The following ATP2A2 variants were observed in gnomAD, a reference collection of about 807,000 sequenced individuals.
ATP2A2 encodes sarcoplasmic/endoplasmic reticulum calcium ATPase 2.
ATP2A2 carries 14 observed loss-of-function variants against 109.3 expected under a neutral mutation model. The ratio of observed to expected loss-of-function variants is 0.13; its 90% CI spans 0.08 to 0.20. The LOEUF is 0.20. ATP2A2 is among the 10% of genes least tolerant of loss of function. ATP2A2 has a pLI of 1.00. For missense variants in ATP2A2, 657 were observed against 1,321.6 expected, an observed-to-expected ratio of 0.50 and a Z score of 7.80; for synonymous variants, 506 against 490.9, an observed-to-expected ratio of 1.03 and a Z score of -0.41.
rs192811038 is a variant in ATP2A2 at position 110,337,798 on chromosome 12, T to C, written c.1420-1483T>C. 1.6e-3 allele frequency among the ~76,000 whole-genome samples: 246 copies of C among 152,346 alleles called. 4 individuals are homozygous for C. The highest frequency in any genetic ancestry group is 2.9e-4 in the Non-Finnish European group (20 of 68,040). Reference sequence around the variant, plus strand: ...ATCTTATCACACCAAACTAAGACTATAAAAGTGTGTCTTTAACGCTGACAG... The same window carrying C: ...ATCTTATCACACCAAACTAAGACTACAAAAGTGTGTCTTTAACGCTGACAG... On this transcript the variant is annotated intron_variant, in intron 11 of 19. Coordinates refer to ENST00000539276, the MANE Select transcript of ATP2A2 (RefSeq NM_170665.4).
At chr12:110,293,440 G>A (rs1390755186) in intron 4 of ATP2A2, among the ~76,000 whole-genome samples, 1 of 145,876 alleles carries the variant, frequency 6.9e-6, no homozygotes. Context: ...TGTTGCCCAG[G>A]CTGGAGTGCA....
At chr12:110,308,208 G>T (rs996235094) in intron 5 of ATP2A2, among the ~76,000 whole-genome samples, 7 of 152,054 alleles carry the variant, frequency 4.6e-5, no homozygotes, top group Non-Finnish European at 2.9e-5. Context: ...TTCTAGTCTG[G>T]ATGCCCTTTA....
intron 5 of ATP2A2, among the ~76,000 whole-genome samples, chr12:110,316,904 C>T (rs942672908): frequency 2.0e-5 from 3 of 152,042 alleles, no homozygotes; most frequent in African/African-American, 4.8e-5. Context: ...GTTATAAGCC[C>T]GGGTTGGGAT....
chr12:110,306,700 A>G (rs893632791), intron 5 of ATP2A2, among the ~76,000 whole-genome samples: 1 of 152,178 alleles, frequency 6.6e-6, no homozygotes, highest in African/African-American at 2.4e-5. Context: ...ATTCTTTTGC[A>G]TGGCTGCGTA....
At position 110,294,913 on chromosome 12, in the gene ATP2A2, G is replaced by A. The variant is rs564896194; in HGVS notation, c.325-1686G>A. 9.9e-5 allele frequency among the ~76,000 whole-genome samples: 15 copies of A among 151,726 alleles called. No individual in the cohort carries two copies. The East Asian group carries it at 2.6e-3, about 26-fold the overall frequency. ...TGGCCCACTGCAGCCTCCACCTCCCGGACTCAAGAGATTCTCCCACCTCAG... is the reference window on the plus strand; with the variant it reads ...TGGCCCACTGCAGCCTCCACCTCCCAGACTCAAGAGATTCTCCCACCTCAG... On this transcript the variant is annotated intron_variant, in intron 4 of 19. Transcript: ENST00000539276.
rs75316502 is a variant in ATP2A2, at chr12:110,341,824, C to T, written c.2098-404C>T. Reference sequence around the variant, plus strand: ...GGAGGCGTGCAGTGAGCCGAGACTGCGCCACTGCACTACAGCCTGGGCGAC... The same window carrying T: ...GGAGGCGTGCAGTGAGCCGAGACTGTGCCACTGCACTACAGCCTGGGCGAC... On this transcript the variant is annotated intron_variant, in intron 14 of 19. Transcript: ENST00000539276. 8.1e-3 allele frequency among the ~76,000 whole-genome samples: 1,233 copies of T among 152,272 alleles called. 1 individual carries two copies. The highest frequency in any genetic ancestry group is 9.5e-3 in the Non-Finnish European group (644 of 68,022).
At chr12:110,320,784 A>G (rs1877158033) in intron 5 of ATP2A2, among the ~76,000 whole-genome samples, 1 of 152,190 alleles carries the variant, frequency 6.6e-6, no homozygotes. Flanking sequence ...TGTTGAGATT[A>G]TATATTGACA....
chr12:110,346,126 G>T lies in ATP2A2; in HGVS notation c.2859+8G>T. 6.2e-7 allele frequency: 1 copy of T among 1,614,182 alleles called. No individual in the cohort carries two copies. The highest frequency in any genetic ancestry group is 8.5e-7 in the Non-Finnish European group (1 of 1,180,038). ...TATGTCGAACCCTTGCCAGTAAGTG[G>T]TTGGGTGGGGCTTGGGACCAGCCAC... On this transcript the variant is annotated splice_region_variant and intron_variant, in intron 19 of 19. Coordinates refer to ENST00000539276, the MANE Select transcript of ATP2A2 (RefSeq NM_170665.4).
intron 5 of ATP2A2, among the ~76,000 whole-genome samples, chr12:110,313,252 C>G (rs1029673147): frequency 2.0e-5 from 3 of 150,686 alleles, no homozygotes; most frequent in African/African-American, 7.3e-5. Flanking sequence ...ATTCTTGCTA[C>G]TGAGATGAAG....
chr12:110,299,411 T>G (rs1163715813), intron 5 of ATP2A2, among the ~76,000 whole-genome samples: 3 of 152,094 alleles, frequency 2.0e-5, no homozygotes, highest in Non-Finnish European at 4.4e-5. Context: ...GACAGTAACA[T>G]TAAGAATAAT....
chr12:110,339,421 C>T lies in ATP2A2; in HGVS notation c.1542+18C>T. 4 of 1,614,134 alleles carry T rather than the reference C, an allele frequency of 2.5e-6. No homozygotes were observed. The highest frequency in any genetic ancestry group is 3.4e-6 in the Non-Finnish European group (4 of 1,180,036). On this transcript the variant is annotated intron_variant, in intron 12 of 19. Coordinates refer to ENST00000539276, the MANE Select transcript of ATP2A2 (RefSeq NM_170665.4). This position sits in a 1 kb window ranked among gnomAD's most constrained non-coding sequence, Gnocchi z 4.4. Reference sequence around the variant, plus strand: ...TTGTGAAGGCAAGTATGGCAGATTGCAATTGAGATGTTCTTGCCAGGGTTA... The same window carrying T: ...TTGTGAAGGCAAGTATGGCAGATTGTAATTGAGATGTTCTTGCCAGGGTTA...
In ATP2A2 at chr12:110,327,375, A is replaced by C. The variant is rs1272550968; in HGVS notation, c.631-178A>C. Among the ~76,000 whole-genome samples the C allele has an allele frequency of 6.6e-6, 1 of 152,242 alleles. No individual in the cohort carries two copies. Among genetic ancestry groups the C allele is most frequent in the Non-Finnish European group, 1.5e-5 (1 of 68,032 alleles). On this transcript the variant is annotated intron_variant, in intron 7 of 19. Coordinates refer to ENST00000539276, the MANE Select transcript of ATP2A2 (RefSeq NM_170665.4). The surrounding 1 kb of genome is among the most constrained non-coding windows in gnomAD (Gnocchi z 4.4). The stretch of plus-strand genomic sequence containing the variant: ...AGTACAGAGCTGCCTGACATAAGTA[A>C]GTAGCACATGGAGCATTGCTTGTTG...
At chr12:110,310,582 A>G (rs1251990351) in intron 5 of ATP2A2, among the ~76,000 whole-genome samples, 1 of 152,272 alleles carries the variant, frequency 6.6e-6, no homozygotes, top group African/African-American at 2.4e-5. Context: ...AAATATTCTC[A>G]GATGACTTCT....
rs1306088585 is a variant in ATP2A2, at chr12:110,281,858, G to C, written c.69G>C (p.Gly23=). 2 of 1,575,606 alleles carry C rather than the reference G, an allele frequency of 1.3e-6. No homozygotes were observed. The highest frequency in any genetic ancestry group is 2.8e-5 in the African/African-American group (2 of 72,422). ...LGHFGVNEST[G]LSLEQVKKLK... ...ACTTCGGCGTCAACGAGAGTACGGG[G>C]CTGAGCCTGGAACAGGTCAAGAAGC... Residue 23 remains glycine, a synonymous_variant, in exon 1 of 20, where the codon GGG becomes GGC. Transcript: ENST00000539276.
chr12:110,324,640 T>A (rs1877584667), intron 6 of ATP2A2, among the ~76,000 whole-genome samples: 1 of 152,048 alleles, frequency 6.6e-6, no homozygotes, highest in African/African-American at 2.4e-5. Context: ...CAGGCTGGTC[T>A]CGAACTCCTG....
At chr12:110,310,102 A>C (rs1875853291) in intron 5 of ATP2A2, among the ~76,000 whole-genome samples, 2 of 152,108 alleles carry the variant, frequency 1.3e-5, no homozygotes, top group African/African-American at 4.8e-5. Flanking sequence ...CATGAAAGTG[A>C]ATCAAGCTAT....
At chr12:110,311,023 A>G (rs1875973426) in intron 5 of ATP2A2, among the ~76,000 whole-genome samples, 1 of 152,232 alleles carries the variant, frequency 6.6e-6, no homozygotes, top group Non-Finnish European at 1.5e-5. Flanking sequence ...AGGTAATTGG[A>G]GTACTGTTTC....
At chr12:110,344,255 A>G (rs1879630449) in intron 16 of ATP2A2, among the ~76,000 whole-genome samples, 1 of 152,024 alleles carries the variant, frequency 6.6e-6, no homozygotes, top group Admixed American at 6.6e-5. Context: ...TTTTGATGCT[A>G]CCACATGGGG....
At chr12:110,282,082 G>T (rs573227623) in intron 1 of ATP2A2, among the ~76,000 whole-genome samples, 175 bp downstream of exon 1, 11 of 152,026 alleles carry the variant, frequency 7.2e-5, no homozygotes, top group Non-Finnish European at 1.6e-4. Flanking sequence ...TCCTCGCCTC[G>T]CCTTCCCTGG....
Sources: gnomAD v4.1 joint callset for allele counts (sites outside exome capture counted in the v4.1 genomes callset) on GRCh38, gnomAD v4.1.1 for gene constraint, Gnocchi (gnomAD v3.1) non-coding constraint, MANE v1.5 for transcripts, NCBI Gene and HGNC (gene_info 2026-07-23, HGNC 2026-07-21) for gene names.